ADK: variants seen among roughly 807,000 people sequenced by gnomAD.
ADK encodes adenosine kinase, also known as N6,N6-dimethyladenosine kinase.
Under a neutral mutation model 44.7 loss-of-function variants are expected in ADK, and 24 were observed. The observed-to-expected ratio is 0.54, with a 90% CI of 0.39 to 0.76. ADK has a LOEUF of 0.76. ADK is among the 30% of genes least tolerant of loss of function. The pLI is 0.00. For synonymous variants in ADK, 128 were observed against 142.6 expected (o/e 0.90, Z 0.73); for missense variants, 321 against 425.1 (o/e 0.76, Z 2.15).
At chr10:74,530,110 G>A (rs954816007) in intron 7 of ADK, among the ~76,000 whole-genome samples, 1 of 151,532 alleles carries the variant, frequency 6.6e-6, no homozygotes, top group African/African-American at 2.4e-5. Flanking sequence ...AATTTAATAG[G>A]GATAATAAAA....
intron 7 of ADK, among the ~76,000 whole-genome samples, chr10:74,582,685 T>C (rs1851411071): frequency 6.6e-6 from 1 of 152,188 alleles, no homozygotes; most frequent in Admixed American, 6.5e-5. Context: ...ATAATTTATA[T>C]ACTGTTTATC....
chr10:74,228,776 T>A (rs1430934888), intron 3 of ADK, among the ~76,000 whole-genome samples: 1 of 152,188 alleles, frequency 6.6e-6, no homozygotes, highest in Non-Finnish European at 1.5e-5. Context: ...TCATATAGAT[T>A]TAGGTAAGGA....
chr10:74,670,222 A>G lies in ADK; in HGVS notation c.917A>G (p.Gln306Arg), dbSNP rs767846626. The part of the protein sequence containing the change: ...VTAFAVLDQD[Q>R]KEIIDTNGAG... ...GCTTTTGCTGTCTTGGATCAAGACCAGAAAGAAATTATTGATACCAATGGA... is the reference window on the plus strand; with the variant it reads ...GCTTTTGCTGTCTTGGATCAAGACCGGAAAGAAATTATTGATACCAATGGA... The change falls in exon 10 of 11, where the codon CAG becomes CGG. Residue 306 changes from glutamine (Q) to arginine (R), a missense_variant. Transcript: ENST00000539909. 5.1e-5 allele frequency: 83 copies of G among 1,613,900 alleles called. No homozygotes were observed. The highest frequency in any genetic ancestry group is 6.4e-5 in the Non-Finnish European group (75 of 1,179,940).
chr10:74,567,194 T>C (rs1191062851), intron 7 of ADK, among the ~76,000 whole-genome samples: 1 of 152,210 alleles, frequency 6.6e-6, no homozygotes, highest in Non-Finnish European at 1.5e-5. Context: ...TTCATTTAAG[T>C]TCATTACACT....
chr10:74,213,458 C>T (rs1359597533), intron 2 of ADK, among the ~76,000 whole-genome samples: 1 of 151,840 alleles, frequency 6.6e-6, no homozygotes, highest in African/African-American at 2.4e-5. Context: ...TAAATGGTAG[C>T]TATTACTAGC....
At chr10:74,572,745 C>A (rs1219428490) in intron 7 of ADK, among the ~76,000 whole-genome samples, 1 of 152,154 alleles carries the variant, frequency 6.6e-6, no homozygotes, top group Non-Finnish European at 1.5e-5. Flanking sequence ...CGCTTCATTT[C>A]ATTCATTTCA....
intron 9 of ADK, among the ~76,000 whole-genome samples, chr10:74,628,279 T>C (rs1853288652): frequency 6.6e-6 from 1 of 152,136 alleles, no homozygotes; most frequent in African/African-American, 2.4e-5. Flanking sequence ...CTGTTTACTA[T>C]TGAGGTGATC....
chr10:74,675,627 T>G (rs1032793554), intron 10 of ADK, among the ~76,000 whole-genome samples: 1 of 152,228 alleles, frequency 6.6e-6, no homozygotes, highest in Non-Finnish European at 1.5e-5. Context: ...TTTCTTCCTG[T>G]TGTCCTGCTG....
intron 1 of ADK, chr10:74,176,682 C>G (rs1842350333): frequency 2.8e-6 from 4 of 1,442,214 alleles, no homozygotes; most frequent in Non-Finnish European, 3.6e-6. Flanking sequence ...CGGGGCGGAG[C>G]GCCCGCCTTC....
intron 5 of ADK, 55 bp from the exon 6 acceptor site, chr10:74,398,416 A>T: frequency 8.3e-7 from 1 of 1,209,440 alleles, no homozygotes; most frequent in Non-Finnish European, 1.2e-6. Context: ...TTATCTATTG[A>T]AACATATGCT....
At chr10:74,502,841 C>T (rs1046550863) in intron 6 of ADK, among the ~76,000 whole-genome samples, 3 of 152,064 alleles carry the variant, frequency 2.0e-5, no homozygotes, top group African/African-American at 7.2e-5. Context: ...TTAGTGCTAG[C>T]CTCAGAAAAT....
chr10:74,665,871 A>T (rs1345732392), intron 9 of ADK, among the ~76,000 whole-genome samples: 1 of 152,192 alleles, frequency 6.6e-6, no homozygotes, highest in Admixed American at 6.5e-5. Context: ...CCTGCCTTTC[A>T]ACCTGCTGGA....
intron 6 of ADK, among the ~76,000 whole-genome samples, chr10:74,432,334 GT>G (rs1468045145): frequency 6.6e-6 from 1 of 152,084 alleles, no homozygotes; most frequent in African/African-American, 2.4e-5. Flanking sequence ...CTACTTAGTG[GT>G]TTGATGGTTG....
chr10:74,350,239 A>G (rs751138358), intron 4 of ADK, among the ~76,000 whole-genome samples: 26 of 152,234 alleles, frequency 1.7e-4, no homozygotes, highest in Admixed American at 5.2e-4. Flanking sequence ...GTGCAATCAA[A>G]TTAGAACTGA....
chr10:74,634,170 C>T (rs1853538019), intron 9 of ADK, among the ~76,000 whole-genome samples: 1 of 152,120 alleles, frequency 6.6e-6, no homozygotes, highest in Non-Finnish European at 1.5e-5. Context: ...TCCTTAGAAA[C>T]ATTTGAGTAG....
rs71475280 is a variant in ADK at position 74,391,652 on chromosome 10, T to TACACACACACACAC, written c.274-2457_274-2444dup. On this transcript the variant is annotated intron_variant, in intron 4 of 10. Coordinates refer to ENST00000539909, the MANE Select transcript of ADK (RefSeq NM_006721.4). Reference sequence around the variant, plus strand: ...AATTCAGGAGTTCGAGGCAAGAATATACACACACACACACACACACACACA... The same window carrying TACACACACACACAC: ...AATTCAGGAGTTCGAGGCAAGAATATACACACACACACACACACACACACACACACACACACACA... 7.3e-3 allele frequency among the ~76,000 whole-genome samples: 544 copies of TACACACACACACAC among 74,272 alleles called. 5 individuals carry two copies. The highest frequency in any genetic ancestry group is 0.017 in the African/African-American group (481 of 29,052). 48.7% of individuals were successfully genotyped at this position (74,272 alleles called of 152,430 possible). A position where few individuals can be genotyped will look rare whatever the true frequency, so the allele number is the denominator to read the frequency against.
chr10:74,412,360 C>T (rs751317046), intron 6 of ADK, among the ~76,000 whole-genome samples: 6 of 152,062 alleles, frequency 3.9e-5, no homozygotes, highest in African/African-American at 7.2e-5. Flanking sequence ...AGGCTGGTCT[C>T]GAACTGCTGG....
At chr10:74,542,010 G>A (rs942590124) in intron 7 of ADK, among the ~76,000 whole-genome samples, 10 of 152,034 alleles carry the variant, frequency 6.6e-5, no homozygotes, top group African/African-American at 2.4e-4. Flanking sequence ...GGGAGCCAAG[G>A]AGGACAGATC....
intron 4 of ADK, among the ~76,000 whole-genome samples, chr10:74,324,567 A>G (rs1213823315): frequency 6.6e-6 from 1 of 152,222 alleles, no homozygotes; most frequent in Admixed American, 6.5e-5. Flanking sequence ...CCATGTTATC[A>G]CAAATGAGAA....
Sources: allele counts gnomAD v4.1 joint callset (sites outside exome capture counted in the v4.1 genomes callset), GRCh38; gene constraint gnomAD v4.1.1; transcripts MANE v1.5; gene names NCBI Gene and HGNC (gene_info 2026-07-23, HGNC 2026-07-21).